ASIP: variants seen among roughly 807,000 people sequenced by gnomAD.
ASIP encodes agouti signaling protein, also known as agouti-signaling protein.
In ASIP, 11 loss-of-function variants were observed where a neutral mutation model predicts 10.3. The ratio of observed to expected loss-of-function variants is 1.07; its 90% CI spans 0.68 to 1.78. ASIP has a LOEUF of 1.78. ASIP is among the 40% of genes most tolerant of loss of function. ASIP has a pLI of 0.00. For synonymous variants in ASIP, 70 were observed against 70.8 expected (o/e 0.99, Z 0.06); for missense variants, 180 against 169.2 (o/e 1.06, Z -0.35).
At chr20:34,219,853 G>A (rs1430658843) in intron 1 of ASIP, among the ~76,000 whole-genome samples, 1 of 152,224 alleles carries the variant, frequency 6.6e-6, no homozygotes, top group Non-Finnish European at 1.5e-5. Flanking sequence ...ACTTTGGGAG[G>A]CCGAGGCAGG....
At chr20:34,256,996 T>A (rs942183315) in intron 1 of ASIP, among the ~76,000 whole-genome samples, 2 of 152,188 alleles carry the variant, frequency 1.3e-5, no homozygotes, top group Admixed American at 6.6e-5. Flanking sequence ...CACATCTCCA[T>A]CCTTTACTTT....
intron 1 of ASIP, among the ~76,000 whole-genome samples, chr20:34,196,707 G>A (rs2034859921): frequency 6.6e-6 from 1 of 152,202 alleles, no homozygotes; most frequent in African/African-American, 2.4e-5. Context: ...CCATACCTGC[G>A]TAGCCGGTTC....
upstream of ASIP, among the ~76,000 whole-genome samples, chr20:34,240,622 A>C (rs879930558): frequency 6.6e-6 from 1 of 152,206 alleles, no homozygotes; most frequent in African/African-American, 2.4e-5. Context: ...GCCCATCAAG[A>C]GTTTAGCTTC....
chr20:34,219,181 G>C (rs1601576394), intron 1 of ASIP, among the ~76,000 whole-genome samples: 1 of 152,282 alleles, frequency 6.6e-6, no homozygotes, highest in East Asian at 1.9e-4. Flanking sequence ...GGCTAAACTA[G>C]ATAATGTCAT....
intron 1 of ASIP, among the ~76,000 whole-genome samples, chr20:34,227,940 T>G (rs2035104138): frequency 6.6e-6 from 1 of 152,230 alleles, no homozygotes; most frequent in Non-Finnish European, 1.5e-5. Flanking sequence ...ATAGAGAGTC[T>G]AGGAATAGAC....
chr20:34,234,573 C>T (rs938318026), intron 1 of ASIP, among the ~76,000 whole-genome samples: 2 of 151,792 alleles, frequency 1.3e-5, no homozygotes, highest in South Asian at 2.1e-4. Flanking sequence ...GTGTATATGA[C>T]GGACTGCATA....
At chr20:34,201,193 TGATG>T (rs1198317664) in intron 1 of ASIP, among the ~76,000 whole-genome samples, 3 of 152,124 alleles carry the variant, frequency 2.0e-5, no homozygotes, top group Non-Finnish European at 2.9e-5. Flanking sequence ...CCAAGAAGTC[TGATG>T]GCCACCGGAG....
intron 1 of ASIP, among the ~76,000 whole-genome samples, chr20:34,258,760 GAT>G (rs1206861651): frequency 1.4e-5 from 1 of 70,316 alleles, no homozygotes; most frequent in Non-Finnish European, 2.7e-5. Context: ...TATAATATAT[GAT>G]ATATATAATA....
chr20:34,269,141 TGCCGCGTGCTCAG>T lies in ASIP; in HGVS notation c.374_386del (p.Cys125SerfsTer29). On this transcript the variant is annotated frameshift_variant, in exon 4 of 4. Coordinates refer to ENST00000374954, the MANE Select transcript of ASIP (RefSeq NM_001672.3). LOFTEE classifies it high-confidence loss of function. Reference sequence around the variant, plus strand: ...CCGCTTCTTCCGCAGCGCCTGCTCCTGCCGCGTGCTCAGCCTCAACTGCTGAGCGCCCCCACTC... The same window carrying T: ...CCGCTTCTTCCGCAGCGCCTGCTCCTCCTCAACTGCTGAGCGCCCCCACTC... The T allele has an allele frequency of 6.5e-7, 1 of 1,549,128 alleles. No individual in the cohort carries two copies. The highest frequency in any genetic ancestry group is 1.2e-5 in the South Asian group (1 of 84,232).
chr20:34,202,860 G>A (rs572605587), intron 1 of ASIP, among the ~76,000 whole-genome samples: 1 of 139,840 alleles, frequency 7.2e-6, no homozygotes, highest in Non-Finnish European at 1.5e-5. Flanking sequence ...CCAGGCTGGA[G>A]TGCAGCGGCA....
At chr20:34,216,538 T>G (rs1221486336) in intron 1 of ASIP, among the ~76,000 whole-genome samples, 1 of 152,248 alleles carries the variant, frequency 6.6e-6, no homozygotes, top group Non-Finnish European at 1.5e-5. Context: ...AAAGATATAC[T>G]TCTAGAAGTT....
intron 1 of ASIP, among the ~76,000 whole-genome samples, chr20:34,225,541 C>T (rs1251665868): frequency 6.6e-6 from 1 of 151,930 alleles, no homozygotes; most frequent in Non-Finnish European, 1.5e-5. Flanking sequence ...CTCAGATCAA[C>T]TTCACATGTA....
chr20:34,209,757 G>A (rs1013966365), intron 1 of ASIP, among the ~76,000 whole-genome samples: 1 of 152,236 alleles, frequency 6.6e-6, no homozygotes, highest in Non-Finnish European at 1.5e-5. Flanking sequence ...GCCGAGGGCA[G>A]CTTGGCATTG....
chr20:34,202,819 T>C (rs920106348), intron 1 of ASIP, among the ~76,000 whole-genome samples: 27 of 145,174 alleles, frequency 1.9e-4, no homozygotes, highest in Non-Finnish European at 4.1e-4. Context: ...TTTTTTTTTT[T>C]TTTTTTCGAG....
intron 1 of ASIP, among the ~76,000 whole-genome samples, chr20:34,232,809 C>T (rs1360962533): frequency 1.3e-5 from 2 of 152,216 alleles, no homozygotes; most frequent in Non-Finnish European, 2.9e-5. Flanking sequence ...ATGAGTTTCT[C>T]TGTTTTAATA....
chr20:34,253,848 C>T (rs1451082083), intron 1 of ASIP, among the ~76,000 whole-genome samples: 3 of 152,220 alleles, frequency 2.0e-5, no homozygotes, highest in Non-Finnish European at 2.9e-5. Context: ...TGATCTGACT[C>T]GTGTGTCTGG....
intron 1 of ASIP, among the ~76,000 whole-genome samples, chr20:34,220,168 G>A (rs112863069): frequency 2.0e-5 from 3 of 152,316 alleles, no homozygotes; most frequent in South Asian, 2.1e-4. Context: ...ATCTACACGT[G>A]TAGAACTGAC....
chr20:34,242,761 T>C (rs1257153649), intron 1 of ASIP, among the ~76,000 whole-genome samples: 20 of 152,264 alleles, frequency 1.3e-4, no homozygotes, highest in Non-Finnish European at 2.8e-4. Flanking sequence ...TCATCTCACA[T>C]CAAAGCCTCT....
intron 3 of ASIP, among the ~76,000 whole-genome samples, chr20:34,266,738 G>A (rs779786823): frequency 5.3e-5 from 8 of 152,292 alleles, no homozygotes; most frequent in East Asian, 3.9e-4. Flanking sequence ...CTAAGGACAC[G>A]TTAGCACCAA....
Sources: allele counts gnomAD v4.1 joint callset (sites outside exome capture counted in the v4.1 genomes callset), GRCh38; gene constraint gnomAD v4.1.1; transcripts MANE v1.5; gene names NCBI Gene and HGNC (gene_info 2026-07-23, HGNC 2026-07-21).